Variants in ROCK2 observed in about 807,000 individuals in gnomAD.
ROCK2 encodes the protein rho-associated protein kinase 2.
A neutral mutation model predicts 195.1 loss-of-function variants in ROCK2; 61 were observed. That is an observed-to-expected ratio of 0.31 (90% CI 0.25 to 0.39). The LOEUF is 0.39. Among genes scored for constraint, ROCK2 ranks in the 10% least tolerant of loss-of-function variants. The probability of loss-of-function intolerance (pLI) is 1.00; values close to 1 mark genes in which losing one functional copy is unlikely to be tolerated. For missense variants in ROCK2, 1,109 were observed against 1,637.4 expected (o/e 0.68, Z 5.57); for synonymous variants, 504 against 545.5 (o/e 0.92, Z 1.06).
intron 1 of ROCK2, among the ~76,000 whole-genome samples, chr2:11,315,720 T>G (rs1212838641): frequency 6.6e-6 from 1 of 152,124 alleles, no homozygotes; most frequent in African/African-American, 2.4e-5. Context: ...TGTAGACTGG[T>G]AAGCAAGGCA....
chr2:11,192,886 T>C lies in ROCK2; in HGVS notation c.3688-174A>G, dbSNP rs1302254484. On this transcript the variant is annotated intron_variant, in intron 30 of 32. Coordinates refer to ENST00000315872, the MANE Select transcript of ROCK2 (RefSeq NM_004850.5). The surrounding 1 kb of genome is among the most constrained non-coding windows in gnomAD (Gnocchi z 5.0). ...ACGCAAACTTAATCAAGAGCTTATA[T>C]AAGAAAAGTCATCAGACAGTCACTT... Among the ~76,000 whole-genome samples the C allele has an allele frequency of 1.3e-5, 2 of 152,238 alleles. No individual in the cohort carries two copies. The highest frequency in any genetic ancestry group is 4.8e-5 in the African/African-American group (2 of 41,460).
chr2:11,327,107 T>A (rs148540017), intron 1 of ROCK2, among the ~76,000 whole-genome samples: 2 of 152,176 alleles, frequency 1.3e-5, no homozygotes, highest in African/African-American at 4.8e-5. Context: ...ACAAATGCTT[T>A]TTTTGTTGGC....
chr2:11,216,139 A>G lies in ROCK2; in HGVS notation c.1461+19T>C, dbSNP rs753097398. 6 of 1,605,784 alleles carry G rather than the reference A, an allele frequency of 3.7e-6. No homozygotes were observed. In the South Asian group the frequency reaches 6.6e-5, roughly 18 times the overall value. ...TTTTTACTAACAAAAATGTTAATAA[A>G]AAAGTGGGGCAACTTTACCTCCTCT... On this transcript the variant is annotated intron_variant, in intron 13 of 32. Coordinates refer to ENST00000315872, the MANE Select transcript of ROCK2 (RefSeq NM_004850.5).
At chr2:11,323,058 A>G (rs1572407717) in intron 1 of ROCK2, among the ~76,000 whole-genome samples, 3 of 152,336 alleles carry the variant, frequency 2.0e-5, no homozygotes, top group Non-Finnish European at 4.4e-5. Flanking sequence ...AAGTTGAACA[A>G]TCACTGACAA....
chr2:11,190,606 T>C lies in ROCK2; in HGVS notation c.4163+1542A>G, dbSNP rs143444980. On this transcript the variant is annotated intron_variant, in intron 32 of 32. Coordinates refer to ENST00000315872, the MANE Select transcript of ROCK2 (RefSeq NM_004850.5). ...GTATCAAAAGGATATTTGGAGTTAT[T>C]ATAGTTCTAGATCTAGACAAACCCC... Among the ~76,000 whole-genome samples the C allele has an allele frequency of 7.1e-3, 1,084 of 152,254 alleles. 15 individuals are homozygous for C. The highest frequency in any genetic ancestry group is 0.025 in the African/African-American group (1,032 of 41,544).
rs150523043 is a variant in ROCK2 at position 11,233,578 on chromosome 2, G to A, written c.723+2124C>T. Among the ~76,000 whole-genome samples the A allele has an allele frequency of 4.4e-4, 67 of 152,218 alleles. No individual in the cohort carries two copies. In the East Asian group the frequency reaches 0.013, roughly 29 times the overall value. ...ATAGTATTGTTGTTAGCAGGGATTT[G>A]GAGGTGACCTAGAAATCGAACATCC... is the stretch of plus-strand genomic sequence containing the variant. On this transcript the variant is annotated intron_variant, in intron 5 of 32. Transcript: ENST00000315872.
intron 28 of ROCK2, 48 bp from the exon 29 acceptor site, chr2:11,194,392 C>A (rs199722144): frequency 4.3e-6 from 3 of 699,618 alleles, no homozygotes; most frequent in Non-Finnish European, 6.9e-6. Flanking sequence ...TTTTTATATA[C>A]CTTATTTATT....
intron 1 of ROCK2, among the ~76,000 whole-genome samples, chr2:11,295,966 A>AAGAGAGAGAGAGAGAGAG (rs11413362): frequency 2.6e-5 from 2 of 77,718 alleles, no homozygotes; most frequent in African/African-American, 4.4e-5. Context: ...CAAAAAACAA[A>AAGAGAGAGAGAGAGAGAG]AGAGAGAGAG....
intron 4 of ROCK2, among the ~76,000 whole-genome samples, chr2:11,245,232 T>G (rs1194792415): frequency 6.7e-6 from 1 of 149,148 alleles, no homozygotes; most frequent in South Asian, 2.1e-4. Flanking sequence ...ATATTATAAA[T>G]CATGTATTAT....
intron 4 of ROCK2, among the ~76,000 whole-genome samples, chr2:11,242,087 C>T (rs1307414969): frequency 6.6e-6 from 1 of 152,170 alleles, no homozygotes; most frequent in Non-Finnish European, 1.5e-5. Context: ...GGACTTTGAT[C>T]TTGGACTTCC....
rs935320371 is a variant in ROCK2 at position 11,218,543 on chromosome 2, C to A, written c.1321-77G>T. 6 of 1,058,148 alleles carry A rather than the reference C, an allele frequency of 5.7e-6. No homozygotes were observed. The African/African-American group carries it at 9.6e-5, about 17-fold the overall frequency. The allele number at this position is 1,058,148 out of a possible 1,614,324, so 65.5% of individuals were successfully genotyped here. A position where few individuals can be genotyped will look rare whatever the true frequency, so the allele number is the denominator to read the frequency against. On this transcript the variant is annotated intron_variant, in intron 10 of 32. Transcript: ENST00000315872. Reference sequence around the variant, plus strand: ...TTCTGTAAAATTCCTAAAACACAAACCATAACAAAATTATCCAACCTAATG... The same window carrying A: ...TTCTGTAAAATTCCTAAAACACAAAACATAACAAAATTATCCAACCTAATG...
chr2:11,198,736 G>A lies in ROCK2; in HGVS notation c.2949C>T (p.Ala983=). ...ETNRTLTSDV[A]NLANEKEELN... ...ATTCTTCTTTCTCATTTGCAAGATT[G>A]GCAACATCACTAGTTAGTGTCCTAT... Residue 983 remains alanine, a synonymous_variant, in exon 24 of 33, where the codon GCC becomes GCT. Coordinates refer to ENST00000315872, the MANE Select transcript of ROCK2 (RefSeq NM_004850.5). 1 of 1,609,816 alleles carries A rather than the reference G, an allele frequency of 6.2e-7. No individual in the cohort carries two copies. The highest frequency in any genetic ancestry group is 8.5e-7 in the Non-Finnish European group (1 of 1,178,054).
At position 11,183,287 on chromosome 2, in the gene ROCK2, GA is replaced by G; in HGVS notation, c.*149del. On this transcript the variant is annotated 3_prime_UTR_variant, in exon 33 of 33. Transcript: ENST00000315872. The stretch of plus-strand genomic sequence containing the variant: ...CCAGATTTGTAATTTATATTACAGG[GA>G]AAAGGGGAACACATATATGTATGAG... 1 of 546,908 alleles carries G rather than the reference GA, an allele frequency of 1.8e-6. No homozygotes were observed. Among genetic ancestry groups the G allele is most frequent in the South Asian group, 3.0e-5 (1 of 33,684 alleles). The allele number at this position is 546,908 out of a possible 1,614,324, so 33.9% of individuals were successfully genotyped here.
At chr2:11,275,980 G>A (rs560314475) in intron 3 of ROCK2, among the ~76,000 whole-genome samples, 7 of 152,088 alleles carry the variant, frequency 4.6e-5, no homozygotes, top group Admixed American at 2.0e-4. Flanking sequence ...GATTATAGGC[G>A]TGAGCCACCG....
At position 11,192,251 on chromosome 2, in the gene ROCK2, C is replaced by T; in HGVS notation, c.4060G>A (p.Ala1354Thr). The T allele has an allele frequency of 1.2e-6, 2 of 1,613,770 alleles. No individual in the cohort carries two copies. The highest frequency in any genetic ancestry group is 8.5e-7 in the Non-Finnish European group (1 of 1,179,918). Reference sequence around the variant, plus strand: ...GATGATCGGGCAAAAGGGTCTGGAGCTGGGGGCTTTTTAGGTATCTTTTTC... The same window carrying T: ...GATGATCGGGCAAAAGGGTCTGGAGTTGGGGGCTTTTTAGGTATCTTTTTC... ...LVKKIPKKPPAPDPFARSSPR... is the reference protein window; with the variant it reads ...LVKKIPKKPPTPDPFARSSPR... Residue 1354 changes from alanine (A) to threonine (T), a missense_variant, in exon 32 of 33, where the codon GCT (alanine) becomes ACT (threonine). By Grantham distance (58) the Ala-to-Thr change is moderately conservative. This residue lies in a region of ROCK2 where 221 missense variants were observed against 355.1 expected (regional missense o/e 0.62). Coordinates refer to ENST00000315872, the MANE Select transcript of ROCK2 (RefSeq NM_004850.5). The surrounding 1 kb of genome is among the most constrained non-coding windows in gnomAD (Gnocchi z 5.0).
intron 3 of ROCK2, among the ~76,000 whole-genome samples, chr2:11,284,575 T>C (rs1336960991): frequency 6.6e-6 from 1 of 152,168 alleles, no homozygotes; most frequent in Admixed American, 6.5e-5. Context: ...CTAAAGTCTT[T>C]TTTTAAAAAA....
chr2:11,323,471 C>T (rs573876079), intron 1 of ROCK2, among the ~76,000 whole-genome samples: 5 of 152,146 alleles, frequency 3.3e-5, no homozygotes, highest in African/African-American at 4.8e-5. Context: ...AAATTACATA[C>T]TATTAGACAT....
rs1003105221 is a variant in ROCK2 at position 11,180,722 on chromosome 2, T to C, written c.*2715A>G. On this transcript the variant is annotated 3_prime_UTR_variant, in exon 33 of 33. Coordinates refer to ENST00000315872, the MANE Select transcript of ROCK2 (RefSeq NM_004850.5). Reference sequence around the variant, plus strand: ...CAAGCAAATTTTAGTCTTATATTTATCTTGGAAGCTTCAGGGCCTCAAGAA... The same window carrying C: ...CAAGCAAATTTTAGTCTTATATTTACCTTGGAAGCTTCAGGGCCTCAAGAA... The C allele has an allele frequency of 6.6e-6, 1 of 152,208 alleles. No homozygotes were observed. The highest frequency in any genetic ancestry group is 2.1e-4 in the South Asian group (1 of 4,834). 9.4% of individuals were successfully genotyped at this position (152,208 alleles called of 1,614,324 possible).
At chr2:11,213,959 G>T (rs2148063828) in intron 17 of ROCK2, among the ~76,000 whole-genome samples, 1 of 152,280 alleles carries the variant, frequency 6.6e-6, no homozygotes, top group African/African-American at 2.4e-5. Context: ...AAAATAAAAT[G>T]CTAACTGCAT....
Sources: gnomAD v4.1 joint callset for allele counts (sites outside exome capture counted in the v4.1 genomes callset) on GRCh38, gnomAD v4.1.1 for gene constraint, gnomAD v4.1.1 regional missense constraint, Gnocchi (gnomAD v3.1) non-coding constraint, MANE v1.5 for transcripts, NCBI Gene and HGNC (gene_info 2026-07-23, HGNC 2026-07-21) for gene names.